RNASE11: variants seen among roughly 807,000 people sequenced by gnomAD.
RNASE11 encodes ribonuclease A family member 11 (inactive).
For synonymous variants in RNASE11, 105 were observed against 86.1 expected, an observed-to-expected ratio of 1.22 and a Z score of -1.21; for missense variants, 252 against 237.8, an observed-to-expected ratio of 1.06 and a Z score of -0.39.
upstream of RNASE11, chr14:20,590,074 T>A: frequency 9.9e-7 from 1 of 1,009,448 alleles, no homozygotes; most frequent in Non-Finnish European, 1.4e-6. Context: ...CATGTAGAAT[T>A]TATGGTTTAA....
At chr14:20,589,444 A>G (rs956779207), upstream of RNASE11, among the ~76,000 whole-genome samples, 10 of 151,324 alleles carry the variant, frequency 6.6e-5, no homozygotes, top group South Asian at 4.2e-4. Context: ...TAGTAGAGAC[A>G]GGGTTTCACC....
At chr14:20,587,897 A>G, upstream of RNASE11, 1 of 946,130 alleles carries the variant, frequency 1.1e-6, no homozygotes, top group South Asian at 4.9e-5. Context: ...AGTCCAAATG[A>G]GCAATGAACA....
chr14:20,589,145 C>G (rs1387503951), upstream of RNASE11, among the ~76,000 whole-genome samples: 1 of 139,726 alleles, frequency 7.2e-6, no homozygotes, highest in Non-Finnish European at 1.6e-5. Flanking sequence ...TTTTAAATAC[C>G]AGGATCTGGC....
upstream of RNASE11, chr14:20,590,106 G>T: frequency 1.6e-6 from 2 of 1,215,626 alleles, no homozygotes; most frequent in Non-Finnish European, 1.1e-6. Context: ...TTATTTTATT[G>T]AAGCAGAATA....
upstream of RNASE11, among the ~76,000 whole-genome samples, chr14:20,588,637 A>C (rs779296306): frequency 2.0e-4 from 30 of 152,170 alleles, no homozygotes; most frequent in Non-Finnish European, 4.1e-4. Context: ...AGACCCTAAG[A>C]GGTGACCTCT....
upstream of RNASE11, chr14:20,590,240 A>G (rs1436640143): frequency 6.2e-7 from 1 of 1,601,850 alleles, no homozygotes; most frequent in Non-Finnish European, 8.5e-7. Context: ...CTCCAATGCC[A>G]TTGAGAGAAG....
chr14:20,583,863 G>A, exon 2 of RNASE11: 1 of 1,595,416 alleles, frequency 6.3e-7, no homozygotes, highest in South Asian at 1.2e-5. Flanking sequence ...TAGTCCTAAA[G>A]CTCTGTGGGA....
exon 2 of RNASE11, chr14:20,584,461 G>A: frequency 5.6e-6 from 9 of 1,595,922 alleles, no homozygotes; most frequent in Non-Finnish European, 6.8e-6. Context: ...CAGCAGCAGA[G>A]GAAAGGTCTC....
chr14:20,585,093 C>A, intron 1 of RNASE11: 1 of 985,378 alleles, frequency 1.0e-6, no homozygotes. Flanking sequence ...AAAGTGAAAT[C>A]GTGTTTGTTT....
intron 1 of RNASE11, among the ~76,000 whole-genome samples, chr14:20,584,733 T>C (rs1044423200): frequency 1.3e-5 from 2 of 152,130 alleles, no homozygotes; most frequent in African/African-American, 4.8e-5. Flanking sequence ...AGTTTCCCCA[T>C]CTGAAAAAAA....
rs1351308080 is a variant in RNASE11 at position 20,586,881 on chromosome 14, C to T, written c.-23+682G>A. Reference sequence around the variant, plus strand: ...AAAAATATACCTGGCTGGGCACAGTCACTCATGCCTGTGGTCTCATTGCTT... The same window carrying T: ...AAAAATATACCTGGCTGGGCACAGTTACTCATGCCTGTGGTCTCATTGCTT... On this transcript the variant is annotated intron_variant, in intron 1 of 1. Transcript: ENST00000553849. Among the ~76,000 whole-genome samples the T allele has an allele frequency of 2.6e-5, 4 of 152,188 alleles. No homozygotes were observed. The East Asian group carries it at 7.7e-4, about 29-fold the overall frequency.
At chr14:20,584,155 A>G in exon 2 of RNASE11, 1 of 1,614,168 alleles carries the variant, frequency 6.2e-7, no homozygotes, top group Non-Finnish European at 8.5e-7. Context: ...TGCTTCTGAA[A>G]CTTTTCTCCA....
chr14:20,585,106 T>C (rs903065497), intron 1 of RNASE11: 17 of 984,926 alleles, frequency 1.7e-5, no homozygotes, highest in Non-Finnish European at 2.0e-5. Context: ...GTTTGTTTCC[T>C]GGGAGTTTCT....
At chr14:20,584,340 T>C (rs758721149) in exon 2 of RNASE11, 1 of 1,614,232 alleles carries the variant, frequency 6.2e-7, no homozygotes, top group East Asian at 2.2e-5. Context: ...TGGTCTGTTT[T>C]TCTTGGCCAC....
downstream of RNASE11, chr14:20,583,071 A>G (rs1884339829): frequency 6.6e-6 from 1 of 152,254 alleles, no homozygotes; most frequent in Admixed American, 6.5e-5. Flanking sequence ...AATAGCTGGT[A>G]GTGAACAAAA....
chr14:20,587,821 G>T, upstream of RNASE11: 1 of 985,472 alleles, frequency 1.0e-6, no homozygotes, highest in Non-Finnish European at 1.2e-6. Flanking sequence ...GGAACTTGAT[G>T]GTTACAAAAG....
upstream of RNASE11, among the ~76,000 whole-genome samples, chr14:20,588,781 G>T (rs559643062): frequency 1.5e-4 from 23 of 152,064 alleles, no homozygotes; most frequent in Non-Finnish European, 3.1e-4. Flanking sequence ...AACAATTTTA[G>T]AAAATATTTA....
At chr14:20,587,125 C>T (rs746397276) in intron 1 of RNASE11, among the ~76,000 whole-genome samples, 5 of 152,180 alleles carry the variant, frequency 3.3e-5, no homozygotes, top group African/African-American at 9.7e-5. Flanking sequence ...TGCACTCCAT[C>T]CTGGGCAACA....
upstream of RNASE11, chr14:20,590,245 G>C: frequency 6.2e-7 from 1 of 1,604,062 alleles, no homozygotes; most frequent in African/African-American, 1.3e-5. Context: ...ATGCCATTGA[G>C]AGAAGAGATC....
Sources: allele counts gnomAD v4.1 joint callset (sites outside exome capture counted in the v4.1 genomes callset), GRCh38; gene constraint gnomAD v4.1.1; transcripts MANE v1.5; gene names NCBI Gene and HGNC (gene_info 2026-07-23, HGNC 2026-07-21).